The following IGSF1 variants were observed in gnomAD, a reference collection of about 807,000 sequenced individuals.
IGSF1 encodes the protein immunoglobulin superfamily member 1.
Under a neutral mutation model 95.3 loss-of-function variants are expected in IGSF1, and 40 were observed. That is an observed-to-expected ratio of 0.42 (90% CI 0.33 to 0.55). The LOEUF is 0.55. IGSF1 is among the 20% of genes least tolerant of loss of function. The probability of loss-of-function intolerance (pLI) is 0.10; values close to 1 mark genes in which losing one functional copy is unlikely to be tolerated. For synonymous variants in IGSF1, 372 were observed against 382.9 expected (o/e 0.97, Z 0.33); for missense variants, 906 against 1,025.4 (o/e 0.88, Z 1.59).
intron 1 of IGSF1, among the ~76,000 whole-genome samples, chrX:131,287,190 TAGAG>T (rs1273171002): frequency 1.0e-5 from 1 of 99,985 alleles, no homozygotes; most frequent in African/African-American, 3.7e-5. Flanking sequence ...TATATATATA[TAGAG>T]AGAGAGAGAG....
chrX:131,283,867 T>A (rs965055450), intron 5 of IGSF1, among the ~76,000 whole-genome samples: 3 of 111,900 alleles, frequency 2.7e-5, no homozygotes, highest in African/African-American at 9.8e-5. Flanking sequence ...CCCACCCCAA[T>A]GCCAGGCACA....
At chrX:131,276,889 C>G in intron 14 of IGSF1, 50 bp downstream of exon 14, 1 of 1,129,393 alleles carries the variant, frequency 8.9e-7, no homozygotes, top group Non-Finnish European at 1.2e-6. Context: ...AGCCTTCCAC[C>G]CACCATCCCA....
chrX:131,281,035 T>C lies in IGSF1; in HGVS notation c.1646+183A>G, dbSNP rs745465890. ...GAGAACTATGCATTTCTCCACCCGC[T>C]GGCTTGAGTGCTGACCCCTCTGTGA... On this transcript the variant is annotated intron_variant, in intron 9 of 19. Coordinates refer to ENST00000361420, the MANE Select transcript of IGSF1 (RefSeq NM_001555.5). The C allele has an allele frequency of 4.6e-5, 21 of 451,969 alleles. No individual in the cohort carries two copies. In the South Asian group the frequency reaches 7.3e-4, roughly 16 times the overall value. The allele number at this position is 451,969 out of a possible 1,213,427, so 37.2% of individuals were successfully genotyped here.
chrX:131,277,479 T>TA (rs2080491732), intron 13 of IGSF1: 1 of 376,166 alleles, frequency 2.7e-6, no homozygotes, highest in Non-Finnish European at 4.5e-6. Context: ...TGGAGGCTAG[T>TA]AAAAAGGTAG....
In IGSF1 at chrX:131,279,303, A is replaced by T; in HGVS notation, c.1685T>A (p.Met562Lys). ...WLLGTAQGVTMLFIVTALLCC... is the reference protein window; with the variant it reads ...WLLGTAQGVTKLFIVTALLCC... ...GAGAAGGGCCGTGACTATGAAGAGC[A>T]TGGTGACCCCTTGAGCTGTTCCCAG... is the stretch of plus-strand genomic sequence containing the variant. Residue 562 changes from methionine (M) to lysine (K), a missense_variant, in exon 10 of 20, where the codon ATG becomes AAG. Physicochemically the swap from Met to Lys is moderately conservative, Grantham distance 95 (BLOSUM62 -1). This residue lies in a region of IGSF1 where 442 missense variants were observed against 448.1 expected (regional missense o/e 0.99). Coordinates refer to ENST00000361420, the MANE Select transcript of IGSF1 (RefSeq NM_001555.5). 1 of 1,211,188 alleles carries T rather than the reference A, an allele frequency of 8.3e-7. No homozygotes were observed. The highest frequency in any genetic ancestry group is 1.1e-6 in the Non-Finnish European group (1 of 895,139).
chrX:131,289,362 G>T, upstream of IGSF1: 1 of 354,340 alleles, frequency 2.8e-6, no homozygotes, highest in Admixed American at 2.6e-5. Flanking sequence ...CTGCCGGCCC[G>T]CCCCAACCTC....
Position 131,275,273 on chromosome X carries a change from T to C in IGSF1, c.3198A>G (p.Lys1066=), listed in dbSNP as rs2080460392. ...GACCAGGCTGGGCTAATAGGCTGGG[T>C]TTGGGGAGTAAGCCTGGAAGAAATG... The part of the protein sequence containing the change: ...LELLVTGLLP[K]PSLLAQPGPM... Residue 1066 remains lysine, a synonymous_variant, in exon 17 of 20, where the codon AAA becomes AAG. Transcript: ENST00000361420. The C allele has an allele frequency of 7.4e-6, 9 of 1,210,835 alleles. No individual in the cohort carries two copies. In the South Asian group the frequency reaches 1.1e-4, roughly 14 times the overall value.
chrX:131,286,969 C>CT (rs1192939270), intron 1 of IGSF1, among the ~76,000 whole-genome samples: 1 of 109,943 alleles, frequency 9.1e-6, no homozygotes, highest in Non-Finnish European at 1.9e-5. Flanking sequence ...ATGGATTTGT[C>CT]TCTGGGATCT....
chrX:131,280,213 C>T (rs745537016), intron 9 of IGSF1, among the ~76,000 whole-genome samples: 3 of 109,683 alleles, frequency 2.7e-5, no homozygotes, highest in South Asian at 8.0e-4. Flanking sequence ...AGGTCAGGTT[C>T]CGGAAAGAAG....
intron 7 of IGSF1, among the ~76,000 whole-genome samples, chrX:131,282,160 A>G (rs2080571254): frequency 9.0e-6 from 1 of 111,116 alleles, no homozygotes; most frequent in African/African-American, 3.3e-5. Context: ...AAGACCTCAT[A>G]CCTGTAAGCT....
At chrX:131,285,116 C>T (rs2080614855) in intron 5 of IGSF1, 63 bp downstream of exon 5, 16 of 1,137,703 alleles carry the variant, frequency 1.4e-5, no homozygotes, top group Admixed American at 2.9e-5. Flanking sequence ...GAAACCCTAG[C>T]TCAGCCAGCC....
At chrX:131,285,655 TACTA>T in intron 4 of IGSF1, 108 bp downstream of exon 4, 1 of 882,633 alleles carries the variant, frequency 1.1e-6, no homozygotes, top group Non-Finnish European at 1.6e-6. Context: ...GGCCCTTATT[TACTA>T]ACTGTGGGAT....
At chrX:131,287,641 G>A (rs144489957) in intron 1 of IGSF1, among the ~76,000 whole-genome samples, 1,271 of 111,477 alleles carry the variant, frequency 0.011, 11 homozygotes, top group Middle Eastern at 0.037. Flanking sequence ...AAGGGAAATG[G>A]AATTGTTTGA....
rs893860900 is a variant in IGSF1 at position 131,277,851 on chromosome X, T to C, written c.2320+5A>G. The C allele has an allele frequency of 8.3e-6, 10 of 1,202,727 alleles. No individual in the cohort carries two copies. Among genetic ancestry groups the C allele is most frequent in the Non-Finnish European group, 1.1e-5 (10 of 890,549 alleles). Reference sequence around the variant, plus strand: ...CCTTTCCTCCCACACCCTTTTCAGCTCTACCTTTTATGACAAGCTCCAGCG... The same window carrying C: ...CCTTTCCTCCCACACCCTTTTCAGCCCTACCTTTTATGACAAGCTCCAGCG... On this transcript the variant is annotated splice_donor_5th_base_variant and intron_variant, in intron 13 of 19. Coordinates refer to ENST00000361420, the MANE Select transcript of IGSF1 (RefSeq NM_001555.5).
rs769951045 is a variant in IGSF1 at position 131,279,162 on chromosome X, C to T, written c.1731G>A (p.Gly577=). 41 of 1,208,670 alleles carry T rather than the reference C, an allele frequency of 3.4e-5. No individual in the cohort carries two copies. Among genetic ancestry groups the T allele is most frequent in the Non-Finnish European group, 4.4e-5 (39 of 893,881 alleles). ...TALLCCGLCN[G]VLIEETEIVM... ...ACTCACCAGTCTCTTCTATCAATAC[C>T]CCATTGCACAGTCCTGCAAAAGAAA... Residue 577 remains glycine (G), a synonymous_variant, in exon 11 of 20, where the codon GGG becomes GGA. Transcript: ENST00000361420.
In IGSF1 at chrX:131,286,683, T is replaced by G; in HGVS notation, c.-9A>C. 2 of 1,149,526 alleles carry G rather than the reference T, an allele frequency of 1.7e-6. No homozygotes were observed. Among genetic ancestry groups the G allele is most frequent in the Non-Finnish European group, 2.3e-6 (2 of 867,331 alleles). The allele number at this position is 1,149,526 out of a possible 1,213,427, so 94.7% of individuals were successfully genotyped here. ...GGTCTGTCCAGGGTCATGGGGCCTC[T>G]GGTGCTGGCTGTGTGCTCTGAGTCT... On this transcript the variant is annotated 5_prime_UTR_variant, in exon 2 of 20. Coordinates refer to ENST00000361420, the MANE Select transcript of IGSF1 (RefSeq NM_001555.5).
chrX:131,289,285 A>G lies in IGSF1; in HGVS notation c.-139T>C, dbSNP rs748161907. ...CTCCAGATGCAGCAAACTGCCCGGCATGAGAAGAGCTGTCTAAGGACAGCC... is the reference window on the plus strand; with the variant it reads ...CTCCAGATGCAGCAAACTGCCCGGCGTGAGAAGAGCTGTCTAAGGACAGCC... On this transcript the variant is annotated 5_prime_UTR_variant, in exon 1 of 20. An upstream start codon of the reference 5' UTR is lost. Transcript: ENST00000361420. The G allele has an allele frequency of 4.8e-5, 18 of 373,783 alleles. No individual in the cohort carries two copies. The highest frequency in any genetic ancestry group is 1.9e-4 in the South Asian group (8 of 42,621). 30.8% of individuals were successfully genotyped at this position (373,783 alleles called of 1,213,427 possible).
intron 7 of IGSF1, 31 bp from the exon 8 acceptor site, chrX:131,281,975 G>A (rs890849581): frequency 5.1e-6 from 6 of 1,165,478 alleles, no homozygotes; most frequent in Non-Finnish European, 6.9e-6. Context: ...AGAGTGAGAA[G>A]TGACCTCAAA....
In IGSF1 at chrX:131,286,460, A is replaced by T; in HGVS notation, c.74T>A (p.Met25Lys). The T allele has an allele frequency of 8.3e-7, 1 of 1,203,808 alleles. No homozygotes were observed. Among genetic ancestry groups the T allele is most frequent in the South Asian group, 1.8e-5 (1 of 56,790 alleles). ...TFTVLLFCIR[M>K]SLGMTSIVMD... ...ACCTATTGATGTCATACCCAGACTCATCCCTGAAAAGAGAGATTATGGTAA... is the reference window on the plus strand; with the variant it reads ...ACCTATTGATGTCATACCCAGACTCTTCCCTGAAAAGAGAGATTATGGTAA... Residue 25 changes from methionine (M) to lysine (K), a missense_variant, in exon 3 of 20, where the codon ATG (methionine) becomes AAG (lysine). Coordinates refer to ENST00000361420, the MANE Select transcript of IGSF1 (RefSeq NM_001555.5).
Sources: allele counts gnomAD v4.1 joint callset (sites outside exome capture counted in the v4.1 genomes callset), GRCh38; gene constraint gnomAD v4.1.1; regional missense constraint gnomAD v4.1.1; transcripts MANE v1.5; gene names NCBI Gene and HGNC (gene_info 2026-07-23, HGNC 2026-07-21).